The following METTL6 variants were observed in gnomAD, a reference collection of about 807,000 sequenced individuals.
The protein encoded by METTL6 is methyltransferase 6, tRNA N3-cytidine.
Under a neutral mutation model 26.4 loss-of-function variants are expected in METTL6, and 22 were observed. That is an observed-to-expected ratio of 0.83 (90% confidence interval 0.59 to 1.19). The LOEUF (loss-of-function observed/expected upper bound fraction) is 1.19. Among genes scored for constraint, METTL6 ranks in the 50% most tolerant of loss-of-function variants. METTL6 has a pLI of 0.00. For synonymous variants in METTL6, 109 were observed against 116.2 expected, an observed-to-expected ratio of 0.94 and a Z score of 0.40; for missense variants, 304 against 324.8, an observed-to-expected ratio of 0.94 and a Z score of 0.49.
chr3:15,408,110 T>C (rs2124951681), downstream of METTL6, among the ~76,000 whole-genome samples: 1 of 152,336 alleles, frequency 6.6e-6, no homozygotes, highest in East Asian at 1.9e-4. Context: ...TTTTTGTAAG[T>C]TGTCCTTAAA....
intron 6 of METTL6, among the ~76,000 whole-genome samples, chr3:15,394,081 C>T (rs1699421328): frequency 6.6e-6 from 1 of 152,206 alleles, no homozygotes; most frequent in African/African-American, 2.4e-5. Context: ...GGTACCAGCT[C>T]CTCCTTGAAC....
intron 3 of METTL6, among the ~76,000 whole-genome samples, chr3:15,421,362 A>G (rs544544225): frequency 6.6e-6 from 1 of 152,262 alleles, no homozygotes; most frequent in Non-Finnish European, 1.5e-5. Flanking sequence ...TAGAAGGACA[A>G]GTCAAACTGT....
Position 15,410,408 on chromosome 3 carries a change from C to T in METTL6, c.*848G>A, listed in dbSNP as rs1244185715. Among the ~76,000 whole-genome samples the T allele has an allele frequency of 1.3e-5, 2 of 152,074 alleles. No individual in the cohort carries two copies. The highest frequency in any genetic ancestry group is 1.3e-4 in the Admixed American group (2 of 15,254). On this transcript the variant is annotated 3_prime_UTR_variant, in exon 6 of 6. Transcript: ENST00000383790. The stretch of plus-strand genomic sequence containing the variant: ...CGTGATCTCGACTTACTGCAACCTC[C>T]ACCTTCCAGGCTCAAGCTAACCTCC...
chr3:15,414,343 A>C (rs928891046), intron 4 of METTL6, 181 bp from the exon 5 acceptor site: 3 of 1,372,488 alleles, frequency 2.2e-6, no homozygotes, highest in Non-Finnish European at 2.8e-6. Context: ...GGGCTCCATA[A>C]CACTAAGACA....
chr3:15,426,774 C>T, intron 1 of METTL6, 139 bp from the exon 2 acceptor site: 6 of 520,788 alleles, frequency 1.2e-5, no homozygotes, highest in Non-Finnish European at 1.0e-5. Context: ...AGAAGACAAA[C>T]ACACAGTCCC....
chr3:15,396,464 T>C (rs1021865115), intron 6 of METTL6, among the ~76,000 whole-genome samples: 3 of 152,316 alleles, frequency 2.0e-5, no homozygotes, highest in African/African-American at 4.8e-5. Flanking sequence ...AGTAGTTTGA[T>C]TGTCTGAAGC....
downstream of METTL6, among the ~76,000 whole-genome samples, chr3:15,408,948 C>T (rs1260402062): frequency 2.0e-5 from 3 of 151,994 alleles, no homozygotes; most frequent in African/African-American, 7.2e-5. Context: ...ATTCATTTGG[C>T]GGAGGGGGCT....
intron 2 of METTL6, 64 bp from the exon 3 acceptor site, chr3:15,425,153 TA>T (rs2061689973): frequency 5.7e-6 from 9 of 1,580,416 alleles, no homozygotes; most frequent in Non-Finnish European, 7.8e-6. Flanking sequence ...TAAACCAAAC[TA>T]AAAGGTCCAG....
At chr3:15,396,693 T>C (rs533324234) in intron 6 of METTL6, among the ~76,000 whole-genome samples, 25 of 152,292 alleles carry the variant, frequency 1.6e-4, no homozygotes, top group African/African-American at 4.8e-4. Context: ...TCTGTTTCTT[T>C]TCCTTCTAAC....
chr3:15,427,027 G>A (rs1178937822), intron 1 of METTL6, among the ~76,000 whole-genome samples: 1 of 152,238 alleles, frequency 6.6e-6, no homozygotes, highest in Non-Finnish European at 1.5e-5. Context: ...TCAGATACAA[G>A]TGAGGTCATC....
chr3:15,415,819 C>T lies in METTL6; in HGVS notation c.484G>A (p.Ala162Thr). Residue 162 changes from alanine to threonine, a missense_variant, in exon 4 of 6, where the codon GCT becomes ACT. Transcript: ENST00000383790. ...AGGTGCATCTTATCAGGATGAACAG[C>T]TGACAGCACAAATATCAACATAACA... The part of the protein sequence containing the change: ...DVVMLIFVLS[A>T]VHPDKMHLVL... 6.2e-7 allele frequency: 1 copy of T among 1,614,158 alleles called. No individual in the cohort carries two copies.
chr3:15,408,837 T>G (rs184703994), downstream of METTL6, among the ~76,000 whole-genome samples: 107 of 152,248 alleles, frequency 7.0e-4, no homozygotes, highest in African/African-American at 2.5e-3. Flanking sequence ...GCTTAGCCAA[T>G]AAAATCCAAG....
intron 6 of METTL6, among the ~76,000 whole-genome samples, chr3:15,392,714 T>C (rs1699382933): frequency 6.6e-6 from 1 of 152,228 alleles, no homozygotes; most frequent in African/African-American, 2.4e-5. Context: ...TTTCTACATA[T>C]GGCTAGCCAG....
In METTL6 at chr3:15,426,272, G is replaced by GT. The variant is rs1559500819; in HGVS notation, c.225+14dup. ...AAATGAAGAACAGCTCAGATAAGGC[G>GT]TAATATTAGCTTACCTCTCTACATG... is the stretch of plus-strand genomic sequence containing the variant. On this transcript the variant is annotated intron_variant, in intron 2 of 5. Transcript: ENST00000383790. 1 of 1,608,162 alleles carries GT rather than the reference G, an allele frequency of 6.2e-7. No individual in the cohort carries two copies. Among genetic ancestry groups the GT allele is most frequent in the South Asian group, 1.1e-5 (1 of 90,948 alleles).
At chr3:15,383,884 A>G (rs75694375) in exon 7 of METTL6, 12,844 of 160,126 alleles carry the variant, frequency 0.08, 707 homozygotes, top group African/African-American at 0.15. Flanking sequence ...TACGTCTAGT[A>G]TAAGTGGGGG....
chr3:15,409,691 G>A (rs758731282), downstream of METTL6, among the ~76,000 whole-genome samples: 1 of 152,206 alleles, frequency 6.6e-6, no homozygotes, highest in South Asian at 2.1e-4. Context: ...CTCCCCCCCA[G>A]GGCAAACAAT....
At chr3:15,397,719 A>C (rs1699530767) in intron 6 of METTL6, among the ~76,000 whole-genome samples, 1 of 152,124 alleles carries the variant, frequency 6.6e-6, no homozygotes, top group African/African-American at 2.4e-5. Flanking sequence ...CACCTTTGTA[A>C]AGCTAATTAG....
chr3:15,413,257 A>G (rs998645614), intron 5 of METTL6, among the ~76,000 whole-genome samples: 1 of 152,000 alleles, frequency 6.6e-6, no homozygotes, highest in Admixed American at 6.6e-5. Flanking sequence ...ATGCCTCTTT[A>G]CAGCAAATTT....
At chr3:15,386,386 T>C (rs919849248) in intron 6 of METTL6, among the ~76,000 whole-genome samples, 4 of 151,776 alleles carry the variant, frequency 2.6e-5, no homozygotes, top group Admixed American at 6.6e-5. Flanking sequence ...GAGGGAGAGA[T>C]TGAGACAACT....
Sources: allele counts gnomAD v4.1 joint callset (sites outside exome capture counted in the v4.1 genomes callset), GRCh38; gene constraint gnomAD v4.1.1; transcripts MANE v1.5; gene names NCBI Gene and HGNC (gene_info 2026-07-23, HGNC 2026-07-21).